Variants in ADAMTSL3 observed in about 807,000 individuals in gnomAD.
ADAMTSL3 encodes the protein ADAMTS-like protein 3.
Under a neutral mutation model 201.7 loss-of-function variants are expected in ADAMTSL3, and 128 were observed. The ratio of observed to expected loss-of-function variants is 0.63; its 90% CI spans 0.55 to 0.73. The LOEUF is 0.73. Among genes scored for constraint, ADAMTSL3 ranks in the 30% least tolerant of loss-of-function variants. The pLI, the probability that ADAMTSL3 is intolerant of heterozygous loss-of-function variation, is 0.00. For synonymous variants in ADAMTSL3, 738 were observed against 748.4 expected, an observed-to-expected ratio of 0.99 and a Z score of 0.23; for missense variants, 1,990 against 2,119.6, an observed-to-expected ratio of 0.94 and a Z score of 1.20.
At chr15:83,709,609 G>A (rs2061905489) in intron 3 of ADAMTSL3, among the ~76,000 whole-genome samples, 1 of 152,138 alleles carries the variant, frequency 6.6e-6, no homozygotes, top group Admixed American at 6.6e-5. Context: ...GGATGGTGTG[G>A]TTGTTTTCCA....
intron 3 of ADAMTSL3, among the ~76,000 whole-genome samples, chr15:83,740,487 C>T (rs969671321): frequency 6.6e-6 from 1 of 152,174 alleles, no homozygotes; most frequent in Non-Finnish European, 1.5e-5. Context: ...TATCAAAACT[C>T]ATTGGATTTT....
chr15:83,886,826 C>T (rs1361192833), intron 10 of ADAMTSL3, among the ~76,000 whole-genome samples: 1 of 152,190 alleles, frequency 6.6e-6, no homozygotes, highest in Non-Finnish European at 1.5e-5. Context: ...AATTTAGGCT[C>T]CCCCTAAAAC....
chr15:83,844,009 T>C (rs2064440591), intron 7 of ADAMTSL3, among the ~76,000 whole-genome samples: 1 of 152,120 alleles, frequency 6.6e-6, no homozygotes, highest in Admixed American at 6.5e-5. Context: ...AACAAACATA[T>C]CTGTTTAGAG....
At chr15:83,672,253 A>G (rs558411776) in intron 2 of ADAMTSL3, among the ~76,000 whole-genome samples, 3 of 152,126 alleles carry the variant, frequency 2.0e-5, no homozygotes, top group Non-Finnish European at 4.4e-5. Context: ...TAGTTTGTGA[A>G]AAGAGTGACC....
intron 3 of ADAMTSL3, among the ~76,000 whole-genome samples, chr15:83,734,728 A>C (rs2062341410): frequency 6.6e-6 from 1 of 152,122 alleles, no homozygotes; most frequent in African/African-American, 2.4e-5. Flanking sequence ...GCCTAAGGAG[A>C]CTGAATTTCC....
intron 3 of ADAMTSL3, among the ~76,000 whole-genome samples, chr15:83,771,167 CTTTTTTT>C (rs10572931): frequency 1.5e-5 from 2 of 134,350 alleles, no homozygotes; most frequent in South Asian, 4.6e-4. Context: ...TTTCTGGACT[CTTTTTTT>C]TTTTTTTTTT....
In ADAMTSL3 at chr15:83,804,891, A is replaced by G. The variant is rs558770625; in HGVS notation, c.363+196A>G. On this transcript the variant is annotated intron_variant, in intron 5 of 29. Coordinates refer to ENST00000286744, the MANE Select transcript of ADAMTSL3 (RefSeq NM_207517.3). The stretch of plus-strand genomic sequence containing the variant: ...TACCTTTTAAGGCCATATCACATTC[A>G]TGATCTAATTTGGTAAGTATTTAAT... Among the ~76,000 whole-genome samples the G allele has an allele frequency of 2.0e-4, 31 of 152,310 alleles. 1 individual carries two copies. The highest frequency in any genetic ancestry group is 1.8e-3 in the Admixed American group (27 of 15,300).
intron 3 of ADAMTSL3, among the ~76,000 whole-genome samples, chr15:83,711,183 T>C (rs2061928679): frequency 6.6e-6 from 1 of 152,242 alleles, no homozygotes; most frequent in Admixed American, 6.5e-5. Flanking sequence ...TTGCTGTGAG[T>C]ACATCTCTCT....
chr15:83,773,408 T>TA (rs879149949), intron 3 of ADAMTSL3, 115 bp from the exon 4 acceptor site: 35,083 of 930,218 alleles, frequency 0.038, no homozygotes, highest in East Asian at 0.044. Flanking sequence ...CTGTCTCAAT[T>TA]AAAAAAAAAA....
chr15:83,844,384 C>T (rs2064451595), intron 7 of ADAMTSL3, among the ~76,000 whole-genome samples: 1 of 152,168 alleles, frequency 6.6e-6, no homozygotes, highest in African/African-American at 2.4e-5. Context: ...CTGTCACTCC[C>T]AAAAACCATT....
chr15:83,917,412 A>AGTGTGTGTGT (rs1555460183), intron 16 of ADAMTSL3, among the ~76,000 whole-genome samples: 1 of 146,092 alleles, frequency 6.8e-6, no homozygotes, highest in African/African-American at 2.5e-5. Context: ...CAGCTTCCAA[A>AGTGTGTGTGT]GTGTGTGTAT....
At chr15:83,916,786 A>AAAAAAT (rs1555460137) in intron 16 of ADAMTSL3, among the ~76,000 whole-genome samples, 4 of 151,410 alleles carry the variant, frequency 2.6e-5, no homozygotes, top group African/African-American at 9.7e-5. Context: ...TCTTTAGAAA[A>AAAAAAT]AAAATAAAAT....
intron 6 of ADAMTSL3, among the ~76,000 whole-genome samples, chr15:83,830,225 G>A (rs944877331): frequency 7.2e-5 from 11 of 152,158 alleles, no homozygotes; most frequent in Non-Finnish European, 1.5e-5. Context: ...TTAGAGCTTA[G>A]GAGAGAAATC....
rs543886767 is a variant in ADAMTSL3 at position 83,804,354 on chromosome 15, A to G, written c.318-296A>G. Among the ~76,000 whole-genome samples, 5 of 152,294 alleles carry G rather than the reference A, an allele frequency of 3.3e-5. 1 individual carries two copies. The South Asian group carries it at 8.3e-4, about 25-fold the overall frequency. Reference sequence around the variant, plus strand: ...ACATATGCACACATGAGACACACACATATTGTACATTAATTGTAGTGGTTA... The same window carrying G: ...ACATATGCACACATGAGACACACACGTATTGTACATTAATTGTAGTGGTTA... On this transcript the variant is annotated intron_variant, in intron 4 of 29. Transcript: ENST00000286744.
intron 3 of ADAMTSL3, among the ~76,000 whole-genome samples, chr15:83,727,014 T>C (rs992061572): frequency 5.9e-5 from 9 of 152,124 alleles, no homozygotes; most frequent in African/African-American, 2.2e-4. Context: ...AGTGAAGCCA[T>C]TGGGTCTTGG....
chr15:83,887,352 G>A (rs2170261), intron 10 of ADAMTSL3, among the ~76,000 whole-genome samples: 127,853 of 152,180 alleles, frequency 0.84, 54,133 homozygotes, highest in African/African-American at 0.94. Flanking sequence ...AAAGAATTTA[G>A]TAGTACTACC....
chr15:83,813,357 G>A (rs956210657), intron 5 of ADAMTSL3, among the ~76,000 whole-genome samples: 7 of 152,286 alleles, frequency 4.6e-5, no homozygotes, highest in Admixed American at 3.9e-4. Flanking sequence ...CTGACTTAAC[G>A]AGGACAGACT....
intron 3 of ADAMTSL3, among the ~76,000 whole-genome samples, chr15:83,706,350 G>A (rs1350608706): frequency 6.6e-6 from 1 of 152,150 alleles, no homozygotes; most frequent in Non-Finnish European, 1.5e-5. Context: ...AAGCAGATCT[G>A]AAAAGTGTGT....
intron 28 of ADAMTSL3, among the ~76,000 whole-genome samples, chr15:84,033,627 C>A (rs553562556): frequency 2.6e-5 from 4 of 152,174 alleles, no homozygotes; most frequent in Non-Finnish European, 4.4e-5. Context: ...CCACTGTACT[C>A]CAGCCTGGGC....
Sources: gnomAD v4.1 joint callset for allele counts (sites outside exome capture counted in the v4.1 genomes callset) on GRCh38, gnomAD v4.1.1 for gene constraint, MANE v1.5 for transcripts, NCBI Gene and HGNC (gene_info 2026-07-23, HGNC 2026-07-21) for gene names.